Variants in USH2A observed in about 807,000 individuals in gnomAD.
The protein encoded by USH2A is Usher syndrome 2A (autosomal recessive, mild).
A neutral mutation model predicts 538.9 loss-of-function variants in USH2A; 443 were observed. The ratio of observed to expected loss-of-function variants is 0.82; its 90% CI spans 0.76 to 0.89. The LOEUF (loss-of-function observed/expected upper bound fraction) is 0.89. Ranked by LOEUF, USH2A falls within the 40% of genes least tolerant of loss-of-function variation. The pLI, the probability that USH2A is intolerant of heterozygous loss-of-function variation, is 0.00. For missense variants in USH2A, 6,633 were observed against 6,324.8 expected (o/e 1.05, Z -1.65); for synonymous variants, 2,413 against 2,273.5 (o/e 1.06, Z -1.75).
intron 37 of USH2A, among the ~76,000 whole-genome samples, chr1:215,943,794 C>A (rs1666694585): frequency 6.6e-6 from 1 of 152,176 alleles, no homozygotes; most frequent in African/African-American, 2.4e-5. Flanking sequence ...TGGTTCTCCA[C>A]AAGTCTGACT....
At chr1:215,707,688 G>A (rs9308439) in intron 61 of USH2A, among the ~76,000 whole-genome samples, 3,772 of 152,292 alleles carry the variant, frequency 0.025, 147 homozygotes, top group African/African-American at 0.086. Flanking sequence ...GTCAAATTAT[G>A]TCTTTTTCTG....
chr1:215,836,498 A>ATT lies in USH2A; in HGVS notation c.9371+1492_9371+1493insAA, dbSNP rs1491303511. ...TATATATAATATATATTATATATAT[A>ATT]ATATATATTATATATATATAATATA... On this transcript the variant is annotated intron_variant, in intron 47 of 71. Coordinates refer to ENST00000307340, the MANE Select transcript of USH2A (RefSeq NM_206933.4). Among the ~76,000 whole-genome samples the ATT allele has an allele frequency of 5.1e-3, 90 of 17,784 alleles. 3 individuals carry two copies. The highest frequency in any genetic ancestry group is 8.8e-3 in the Non-Finnish European group (81 of 9,182). 11.7% of individuals were successfully genotyped at this position (17,784 alleles called of 152,430 possible). A position where few individuals can be genotyped will look rare whatever the true frequency, so the allele number is the denominator to read the frequency against.
chr1:216,396,705 T>C (rs1289307252), intron 3 of USH2A, among the ~76,000 whole-genome samples: 1 of 152,134 alleles, frequency 6.6e-6, no homozygotes, highest in Non-Finnish European at 1.5e-5. Context: ...TGACTCCACA[T>C]TCCTCAATTC....
At chr1:215,799,236 A>G (rs1662243317) in intron 49 of USH2A, 111 bp from the exon 50 acceptor site, 1 of 1,250,924 alleles carries the variant, frequency 8.0e-7, no homozygotes, top group Admixed American at 2.0e-5. Flanking sequence ...TGACAGAATT[A>G]CTAAAGAGAA....
intron 47 of USH2A, among the ~76,000 whole-genome samples, chr1:215,831,685 G>T (rs1663318906): frequency 6.6e-6 from 1 of 152,060 alleles, no homozygotes; most frequent in Non-Finnish European, 1.5e-5. Context: ...TTCAAAATTT[G>T]TGAGCTTCAT....
In USH2A at chr1:215,864,501, T is replaced by C. The variant is rs144304104; in HGVS notation, c.8845+2506A>G. Among the ~76,000 whole-genome samples the C allele has an allele frequency of 3.9e-3, 601 of 152,290 alleles. 4 individuals are homozygous for C. The highest frequency in any genetic ancestry group is 0.014 in the African/African-American group (569 of 41,562). ...CCAGGAAAATGGGGACCGGGTCAGA[T>C]TTTTAGGGCATGATCTGTCTAAAGG... On this transcript the variant is annotated intron_variant, in intron 44 of 71. Coordinates refer to ENST00000307340, the MANE Select transcript of USH2A (RefSeq NM_206933.4).
chr1:216,167,046 C>A (rs1281357589), intron 21 of USH2A, among the ~76,000 whole-genome samples: 1 of 152,096 alleles, frequency 6.6e-6, no homozygotes, highest in African/African-American at 2.4e-5. Context: ...GCTCATCAGT[C>A]AAGGAACTGA....
chr1:215,797,053 A>G (rs554803602), intron 50 of USH2A, among the ~76,000 whole-genome samples: 1 of 152,284 alleles, frequency 6.6e-6, no homozygotes, highest in African/African-American at 2.4e-5. Context: ...TCACTTATGA[A>G]TAAGTGAAAC....
intron 18 of USH2A, among the ~76,000 whole-genome samples, chr1:216,197,969 C>T (rs780223356): frequency 6.6e-6 from 1 of 152,046 alleles, no homozygotes; most frequent in Non-Finnish European, 1.5e-5. Flanking sequence ...ATAAATTAGG[C>T]TGTATATGGA....
At chr1:216,216,435 C>T (rs2035342726) in intron 15 of USH2A, among the ~76,000 whole-genome samples, 1 of 151,974 alleles carries the variant, frequency 6.6e-6, no homozygotes, top group Non-Finnish European at 1.5e-5. Flanking sequence ...TTATCTTTCT[C>T]CCTCCCCCCT....
chr1:216,228,387 G>T (rs1011342211), intron 14 of USH2A, among the ~76,000 whole-genome samples: 4 of 152,190 alleles, frequency 2.6e-5, no homozygotes, highest in Middle Eastern at 3.4e-3. Context: ...GAACAAAGGG[G>T]ATTGATATGG....
chr1:215,647,574 GT>G lies in USH2A; in HGVS notation c.14738del (p.Asn4913ThrfsTer37), dbSNP rs1656896317. ...TTYKLRVVAH[N>X]EVGSTASEWI... ...ACTCGGAAGCCGTACTGCCCACCTC[GT>G]TGTGTGCCACCACTCTCAGCTTGTA... On this transcript the variant is annotated frameshift_variant, in exon 67 of 72. Transcript: ENST00000307340. LOFTEE classifies it high-confidence loss of function. 1 of 1,613,970 alleles carries G rather than the reference GT, an allele frequency of 6.2e-7. No individual in the cohort carries two copies. The highest frequency in any genetic ancestry group is 8.5e-7 in the Non-Finnish European group (1 of 1,180,028).
At chr1:215,911,072 T>A (rs560342898) in intron 38 of USH2A, among the ~76,000 whole-genome samples, 21 of 152,040 alleles carry the variant, frequency 1.4e-4, no homozygotes, top group Admixed American at 3.3e-4. Flanking sequence ...AATTTTTTTT[T>A]AATTTGTGGC....
At chr1:215,949,555 GCA>G (rs1666859400) in intron 37 of USH2A, among the ~76,000 whole-genome samples, 2 of 151,972 alleles carry the variant, frequency 1.3e-5, no homozygotes. Flanking sequence ...GATGTTGAAA[GCA>G]CCACAATTCA....
intron 2 of USH2A, among the ~76,000 whole-genome samples, chr1:216,419,837 T>G (rs2102785616): frequency 6.6e-6 from 1 of 152,188 alleles, no homozygotes; most frequent in South Asian, 2.1e-4. Context: ...CATAATTTCT[T>G]CTCACTTGCA....
chr1:216,321,807 G>C, intron 9 of USH2A, 76 bp downstream of exon 9: 3 of 1,305,914 alleles, frequency 2.3e-6, no homozygotes, highest in Non-Finnish European at 3.3e-6. Context: ...GTTAGGCCAA[G>C]ATTAAGTTCA....
chr1:215,986,186 T>C (rs1196122723), intron 35 of USH2A, among the ~76,000 whole-genome samples: 2 of 152,042 alleles, frequency 1.3e-5, no homozygotes, highest in Non-Finnish European at 2.9e-5. Context: ...GTGTCACAAT[T>C]GTGGTTCACT....
At chr1:215,976,689 C>T (rs997548963) in intron 35 of USH2A, among the ~76,000 whole-genome samples, 1 of 152,132 alleles carries the variant, frequency 6.6e-6, no homozygotes, top group Non-Finnish European at 1.5e-5. Flanking sequence ...AACTTGGCAT[C>T]CTAGGAATGA....
chr1:215,836,541 TAATA>T (rs1207649676), intron 47 of USH2A, among the ~76,000 whole-genome samples: 2 of 23,728 alleles, frequency 8.4e-5, no homozygotes, highest in African/African-American at 3.1e-4. Flanking sequence ...TATATATATA[TAATA>T]TATATATATA....
Sources: gnomAD v4.1 joint callset for allele counts (sites outside exome capture counted in the v4.1 genomes callset) on GRCh38, gnomAD v4.1.1 for gene constraint, MANE v1.5 for transcripts, NCBI Gene and HGNC (gene_info 2026-07-23, HGNC 2026-07-21) for gene names.